ERI1: variants seen among roughly 807,000 people sequenced by gnomAD.
The protein encoded by ERI1 is 3'-5' exoribonuclease 1.
A neutral mutation model predicts 39.7 loss-of-function variants in ERI1; 39 were observed. The ratio of observed to expected loss-of-function variants is 0.98; its 90% CI spans 0.76 to 1.28. The LOEUF is 1.28. Among genes scored for constraint, ERI1 ranks in the 50% most tolerant of loss-of-function variants. ERI1 has a pLI of 0.00. For synonymous variants in ERI1, 204 were observed against 149.6 expected (o/e 1.36, Z -2.65); for missense variants, 581 against 416.9 (o/e 1.39, Z -3.43).
intron 3 of ERI1, among the ~76,000 whole-genome samples, chr8:9,084,730 T>C (rs948334175): frequency 6.6e-6 from 1 of 152,158 alleles, no homozygotes; most frequent in African/African-American, 2.4e-5. Flanking sequence ...GTGAGTACCC[T>C]AACTACATTA....
At chr8:9,057,191 C>T (rs1332516134) in intron 3 of ERI1, among the ~76,000 whole-genome samples, 1 of 152,084 alleles carries the variant, frequency 6.6e-6, no homozygotes, top group Non-Finnish European at 1.5e-5. Context: ...GTCGCCCAGG[C>T]TGGAGTATGG....
chr8:9,003,978 C>T (rs370589274), intron 1 of ERI1: 12 of 780,356 alleles, frequency 1.5e-5, no homozygotes, highest in Admixed American at 2.3e-5. Context: ...TGGCTTATTC[C>T]CCTCCTGAGT....
chr8:9,017,492 C>T (rs1294682667), intron 4 of ERI1, among the ~76,000 whole-genome samples: 2 of 152,090 alleles, frequency 1.3e-5, no homozygotes, highest in African/African-American at 4.8e-5. Context: ...TGTATATAGA[C>T]GTATGTCTGT....
At chr8:9,039,727 C>G (rs1041447220) in intron 3 of ERI1, among the ~76,000 whole-genome samples, 1 of 152,058 alleles carries the variant, frequency 6.6e-6, no homozygotes, top group Admixed American at 6.5e-5. Context: ...ACTAGGATTA[C>G]GCTTTTCCTA....
intron 3 of ERI1, among the ~76,000 whole-genome samples, chr8:9,085,147 C>G (rs1799486009): frequency 6.6e-6 from 1 of 152,148 alleles, no homozygotes; most frequent in Non-Finnish European, 1.5e-5. Flanking sequence ...AAATTCCAGC[C>G]TGAGGGCTAC....
chr8:9,004,145 G>A, intron 1 of ERI1: 1 of 1,289,084 alleles, frequency 7.8e-7, no homozygotes, highest in Non-Finnish European at 1.0e-6. Context: ...TGTTCCTTTT[G>A]CCCTGTGTGC....
intron 3 of ERI1, among the ~76,000 whole-genome samples, chr8:9,066,866 T>C (rs1355514304): frequency 6.6e-6 from 1 of 152,076 alleles, no homozygotes; most frequent in African/African-American, 2.4e-5. Context: ...ACTGTTCTGA[T>C]GTTCTCAGTG....
At chr8:9,089,411 T>A (rs1331733539) in intron 3 of ERI1, among the ~76,000 whole-genome samples, 1 of 152,222 alleles carries the variant, frequency 6.6e-6, no homozygotes, top group African/African-American at 2.4e-5. Flanking sequence ...AGCCTGGATC[T>A]CTTTCCAGTG....
rs1238787030 is a variant in ERI1 at position 9,015,282 on chromosome 8, G to A, written c.499-1040G>A. Among the ~76,000 whole-genome samples, 3 of 152,240 alleles carry A rather than the reference G, an allele frequency of 2.0e-5. No individual in the cohort carries two copies. In the East Asian group the frequency reaches 5.8e-4, roughly 29 times the overall value. The stretch of plus-strand genomic sequence containing the variant: ...TCTTAATTTTTAAATCTTCTGCCAT[G>A]AAGAATATTTTTTGTCATTTTCTCT... On this transcript the variant is annotated intron_variant, in intron 3 of 6. Transcript: ENST00000250263.
At chr8:9,096,808 T>C (rs1268643721) in intron 3 of ERI1, 1 of 150,818 alleles carries the variant, frequency 6.6e-6, no homozygotes, top group East Asian at 1.9e-4. Context: ...CCTCAGACTT[T>C]TGGGCTCAAG....
At chr8:9,071,930 G>T (rs1372033051) in intron 3 of ERI1, among the ~76,000 whole-genome samples, 1 of 152,196 alleles carries the variant, frequency 6.6e-6, no homozygotes, top group Non-Finnish European at 1.5e-5. Flanking sequence ...AGCAAGCGTG[G>T]TGGTGCGTGC....
intron 3 of ERI1, among the ~76,000 whole-genome samples, chr8:9,042,738 C>T (rs1484721949): frequency 6.6e-6 from 1 of 152,202 alleles, no homozygotes; most frequent in Non-Finnish European, 1.5e-5. Context: ...GATCCAAAAT[C>T]TGAAGCTTTT....
intron 3 of ERI1, among the ~76,000 whole-genome samples, chr8:9,063,369 C>A (rs1323323933): frequency 1.3e-5 from 2 of 152,040 alleles, no homozygotes; most frequent in Non-Finnish European, 2.9e-5. Context: ...CTCCAGCCAC[C>A]TTTTTAAGAG....
chr8:9,088,258 T>C (rs1799589829), intron 3 of ERI1, among the ~76,000 whole-genome samples: 1 of 151,296 alleles, frequency 6.6e-6, no homozygotes, highest in Non-Finnish European at 1.5e-5. Flanking sequence ...TGTCTGAGCC[T>C]CTGTAAATTA....
chr8:9,008,028 C>G lies in ERI1; in HGVS notation c.167C>G (p.Ser56Cys), dbSNP rs1419239598. 2 of 1,598,164 alleles carry G rather than the reference C, an allele frequency of 1.3e-6. No individual in the cohort carries two copies. The highest frequency in any genetic ancestry group is 1.7e-6 in the Non-Finnish European group (2 of 1,175,502). Reference protein sequence around the residue: ...QETKGSKFITSSASDFSDPVY... With the variant: ...QETKGSKFITCSASDFSDPVY... Reference sequence around the variant, plus strand: ...ACAAAAGGATCCAAGTTCATTACCTCCAGTGCGAGTGACTTCAGTGACCCG... The same window carrying G: ...ACAAAAGGATCCAAGTTCATTACCTGCAGTGCGAGTGACTTCAGTGACCCG... Residue 56 changes from serine to cysteine, a missense_variant, in exon 2 of 7, where the codon TCC (serine) becomes TGC (cysteine). Coordinates refer to ENST00000250263, the MANE Select transcript of ERI1 (RefSeq NM_153332.4).
intron 2 of ERI1, among the ~76,000 whole-genome samples, chr8:9,010,329 TAAAA>T (rs376655586): frequency 6.6e-6 from 1 of 151,956 alleles, no homozygotes; most frequent in African/African-American, 2.4e-5. Flanking sequence ...AATAAAAAGA[TAAAA>T]AAAGAAAGTA....
chr8:9,083,504 G>A (rs1484480615), intron 3 of ERI1, among the ~76,000 whole-genome samples: 2 of 152,140 alleles, frequency 1.3e-5, no homozygotes, highest in Non-Finnish European at 2.9e-5. Context: ...AGAGAACAGT[G>A]CGATGAACCA....
Position 9,022,376 on chromosome 8 carries a change from C to G in ERI1, c.807+1912C>G, listed in dbSNP as rs189180710. On this transcript the variant is annotated intron_variant, in intron 6 of 6. Coordinates refer to ENST00000250263, the MANE Select transcript of ERI1 (RefSeq NM_153332.4). ...TAGTCCTTTGATTATATTTGATAAT[C>G]TTTTTGTGTGAATTTATTTTGTTTT... 2.0e-5 allele frequency among the ~76,000 whole-genome samples: 3 copies of G among 152,088 alleles called. No individual in the cohort carries two copies. In the East Asian group the frequency reaches 5.8e-4, roughly 29 times the overall value.
intron 3 of ERI1, among the ~76,000 whole-genome samples, chr8:9,071,965 C>G (rs1440305501): frequency 6.6e-6 from 1 of 152,106 alleles, no homozygotes; most frequent in African/African-American, 2.4e-5. Context: ...ATTTGGGAGG[C>G]TGAGGTGGGA....
Sources: gnomAD v4.1 joint callset for allele counts (sites outside exome capture counted in the v4.1 genomes callset) on GRCh38, gnomAD v4.1.1 for gene constraint, MANE v1.5 for transcripts, NCBI Gene and HGNC (gene_info 2026-07-23, HGNC 2026-07-21) for gene names.